The following TENM1 variants were observed in gnomAD, a reference collection of about 807,000 sequenced individuals.
The protein encoded by TENM1 is teneurin transmembrane protein 1, also known as teneurin-1.
Under a neutral mutation model 174.8 loss-of-function variants are expected in TENM1, and 35 were observed. That is an observed-to-expected ratio of 0.20 (90% confidence interval 0.15 to 0.27). The LOEUF (loss-of-function observed/expected upper bound fraction) is 0.27, where lower values mean the gene tolerates loss of function less well. Among genes scored for constraint, TENM1 ranks in the 10% least tolerant of loss-of-function variants. The probability of loss-of-function intolerance (pLI) is 1.00; values close to 1 mark genes in which losing one functional copy is unlikely to be tolerated. For synonymous variants in TENM1, 781 were observed against 798.7 expected (o/e 0.98, Z 0.37); for missense variants, 1,633 against 2,130.1 (o/e 0.77, Z 4.59).
chrX:124,741,961 C>A (rs976951454), intron 3 of TENM1, among the ~76,000 whole-genome samples: 13 of 112,246 alleles, frequency 1.2e-4, no homozygotes, highest in African/African-American at 4.2e-4. Flanking sequence ...AAAAATTAAC[C>A]TTTATAAAAC....
intron 4 of TENM1, among the ~76,000 whole-genome samples, chrX:124,728,176 A>G (rs962663186): frequency 9.0e-6 from 1 of 111,479 alleles, no homozygotes. Flanking sequence ...AAAGAAAGAA[A>G]GGATCTGCAA....
intron 1 of TENM1, among the ~76,000 whole-genome samples, chrX:124,930,671 G>A (rs949269132): frequency 1.8e-5 from 2 of 111,851 alleles, no homozygotes; most frequent in Non-Finnish European, 3.8e-5. Context: ...CACTGTAAGG[G>A]TCCTGCACAC....
At chrX:125,183,089 T>C in the TENM1 span, among the ~76,000 whole-genome samples, 6 of 112,419 alleles carry the variant, frequency 5.3e-5, no homozygotes, top group African/African-American at 1.9e-4. Flanking sequence ...TAAAATATTA[T>C]GATTCATGAA....
intron 11 of TENM1, among the ~76,000 whole-genome samples, chrX:124,599,318 C>T (rs1449466344): frequency 9.0e-6 from 1 of 111,256 alleles, no homozygotes; most frequent in Non-Finnish European, 1.9e-5. Flanking sequence ...AGGATGAGTT[C>T]AGCTTTAGAC....
chrX:124,652,022 G>A, exon 8 of TENM1: 1 of 1,211,712 alleles, frequency 8.3e-7, no homozygotes, highest in Non-Finnish European at 1.1e-6. Context: ...GTCTCCTGAA[G>A]CGAAGTTAAG....
At chrX:124,655,852 C>G (rs964097357) in intron 6 of TENM1, among the ~76,000 whole-genome samples, 1 of 111,896 alleles carries the variant, frequency 8.9e-6, no homozygotes, top group Non-Finnish European at 1.9e-5. Flanking sequence ...TTATTTTTCA[C>G]TGAAAGTTAC....
intron 21 of TENM1, among the ~76,000 whole-genome samples, chrX:124,484,854 C>T (rs1363030492): frequency 9.0e-6 from 1 of 110,944 alleles, no homozygotes; most frequent in African/African-American, 3.3e-5. Context: ...TTTTTCCTAA[C>T]ATATCTTTCT....
intron 11 of TENM1, among the ~76,000 whole-genome samples, chrX:124,580,432 A>G (rs1267903872): frequency 9.1e-6 from 1 of 110,013 alleles, no homozygotes; most frequent in Non-Finnish European, 1.9e-5. Flanking sequence ...ATACATATAT[A>G]CACATACATA....
chrX:125,050,661 C>T, the TENM1 span, among the ~76,000 whole-genome samples: 1 of 111,410 alleles, frequency 9.0e-6, no homozygotes, highest in African/African-American at 3.3e-5. Context: ...ATTTATAATC[C>T]TTTGGGTATA....
chrX:124,730,901 T>C (rs781082053), intron 4 of TENM1, among the ~76,000 whole-genome samples: 2 of 111,475 alleles, frequency 1.8e-5, no homozygotes, highest in Non-Finnish European at 3.8e-5. Context: ...TGAAGTAAAG[T>C]AGGTACAATT....
the TENM1 span, among the ~76,000 whole-genome samples, chrX:125,154,651 C>T: frequency 5.4e-5 from 6 of 111,179 alleles, no homozygotes; most frequent in Non-Finnish European, 1.1e-4. Flanking sequence ...AATGAAGCCA[C>T]GGACCCTCGC....
At chrX:124,718,181 A>G (rs182510758) in intron 4 of TENM1, among the ~76,000 whole-genome samples, 4 of 112,422 alleles carry the variant, frequency 3.6e-5, no homozygotes, top group African/African-American at 1.3e-4. Flanking sequence ...TGCAGGTCTA[A>G]AGTAAGGCAG....
chrX:124,482,737 G>A (rs1471113123), intron 21 of TENM1, among the ~76,000 whole-genome samples: 2 of 111,881 alleles, frequency 1.8e-5, no homozygotes, highest in Non-Finnish European at 3.8e-5. Context: ...TACTCACAAG[G>A]AATCTCAAGT....
exon 32 of TENM1, chrX:124,378,608 A>G (rs1395610226): frequency 8.9e-6 from 1 of 112,235 alleles, no homozygotes; most frequent in Non-Finnish European, 1.9e-5. Context: ...GTTTCCAGTT[A>G]TAAAGAGAGA....
chrX:125,147,387 A>G, the TENM1 span, among the ~76,000 whole-genome samples: 1 of 111,056 alleles, frequency 9.0e-6, no homozygotes, highest in African/African-American at 3.3e-5. Context: ...TATTCCTATA[A>G]GCTGTCGCAG....
the TENM1 span, among the ~76,000 whole-genome samples, chrX:125,098,659 T>C: frequency 8.9e-6 from 1 of 112,067 alleles, no homozygotes; most frequent in Admixed American, 9.5e-5. Context: ...TAATGGGGCA[T>C]GGAAAACTTT....
At chrX:124,539,738 A>G (rs1602623801) in intron 15 of TENM1, among the ~76,000 whole-genome samples, 1 of 110,633 alleles carries the variant, frequency 9.0e-6, no homozygotes, top group Non-Finnish European at 1.9e-5. Flanking sequence ...AAAATTATTT[A>G]TAGCCCCAAA....
At chrX:125,034,499 A>C in the TENM1 span, among the ~76,000 whole-genome samples, 1 of 111,664 alleles carries the variant, frequency 9.0e-6, no homozygotes, top group Non-Finnish European at 1.9e-5. Context: ...CTCGCAAACT[A>C]ACAACAGTCC....
intron 11 of TENM1, among the ~76,000 whole-genome samples, chrX:124,590,469 G>C (rs939782720): frequency 2.6e-4 from 29 of 110,290 alleles, no homozygotes; most frequent in Middle Eastern, 9.3e-3. Context: ...CACTGCTCAA[G>C]GAAATAAAAG....
Sources: allele counts gnomAD v4.1 joint callset (sites outside exome capture counted in the v4.1 genomes callset), GRCh38; gene constraint gnomAD v4.1.1; transcripts MANE v1.5; gene names NCBI Gene and HGNC (gene_info 2026-07-23, HGNC 2026-07-21).